The following SCOC variants were observed in gnomAD, a reference collection of about 807,000 sequenced individuals.
SCOC encodes short coiled coil protein.
In SCOC, 7 loss-of-function variants were observed where a neutral mutation model predicts 9.9. The ratio of observed to expected loss-of-function variants is 0.71; its 90% confidence interval spans 0.40 to 1.33. The LOEUF (loss-of-function observed/expected upper bound fraction) is 1.33, where lower values mean the gene tolerates loss of function less well. SCOC is among the 40% of genes most tolerant of loss of function. The probability of loss-of-function intolerance (pLI) is 0.01; values close to 1 mark genes in which losing one functional copy is unlikely to be tolerated. For synonymous variants in SCOC, 19 were observed against 28.2 expected, an observed-to-expected ratio of 0.67 and a Z score of 1.03; for missense variants, 66 against 89.7, an observed-to-expected ratio of 0.74 and a Z score of 1.07.
At chr4:140,260,666 T>C (rs936744002) in intron 1 of SCOC, among the ~76,000 whole-genome samples, 2 of 152,190 alleles carry the variant, frequency 1.3e-5, no homozygotes, top group Non-Finnish European at 2.9e-5. Flanking sequence ...TTCTACAGTG[T>C]ATGTTTAAAA....
At chr4:140,379,688 C>A in intron 3 of SCOC, 36 bp downstream of exon 3, 3 of 1,439,756 alleles carry the variant, frequency 2.1e-6, no homozygotes, top group South Asian at 1.2e-5. Context: ...TGAATGACAG[C>A]CAATTAATTG....
chr4:140,296,154 C>T (rs1017876053), intron 1 of SCOC, among the ~76,000 whole-genome samples: 2 of 152,022 alleles, frequency 1.3e-5, no homozygotes, highest in African/African-American at 2.4e-5. Context: ...ATCCACATGC[C>T]TAGGTGTGAA....
At chr4:140,281,597 C>T (rs1184654617) in intron 1 of SCOC, among the ~76,000 whole-genome samples, 2 of 152,176 alleles carry the variant, frequency 1.3e-5, no homozygotes, top group African/African-American at 2.4e-5. Flanking sequence ...TCCTGGATCC[C>T]AGAGAACCTG....
chr4:140,318,755 ATGCTGCT>A (rs1732406808), intron 1 of SCOC, among the ~76,000 whole-genome samples: 1 of 150,654 alleles, frequency 6.6e-6, no homozygotes, highest in African/African-American at 2.5e-5. Context: ...ACTATAAATC[ATGCTGCT>A]ATAAAGACAC....
chr4:140,310,445 T>C (rs962919845), intron 1 of SCOC, among the ~76,000 whole-genome samples: 2 of 152,166 alleles, frequency 1.3e-5, no homozygotes, highest in African/African-American at 4.8e-5. Flanking sequence ...TCTGGTCAAA[T>C]CTTAAATAAA....
chr4:140,328,755 A>G (rs750545329), intron 1 of SCOC, among the ~76,000 whole-genome samples: 3 of 152,182 alleles, frequency 2.0e-5, no homozygotes, highest in Non-Finnish European at 2.9e-5. Context: ...ATCAAGAGTG[A>G]TTCCATCTGA....
At chr4:140,295,289 T>C (rs887352187) in intron 1 of SCOC, among the ~76,000 whole-genome samples, 52 of 151,402 alleles carry the variant, frequency 3.4e-4, no homozygotes, top group Admixed American at 3.4e-3. Flanking sequence ...AGGTAAGGGG[T>C]AAAATAACAG....
chr4:140,324,876 C>T lies in SCOC; in HGVS notation c.-18-18745C>T, dbSNP rs746406572. Among the ~76,000 whole-genome samples the T allele has an allele frequency of 4.6e-5, 7 of 150,922 alleles. No homozygotes were observed. The South Asian group carries it at 1.0e-3, about 22-fold the overall frequency. ...GGCAAAGGACCTAGAATAGCCAAAG[C>T]AATGCTGAAAAAGAAAAAAAAAAGT... On this transcript the variant is annotated intron_variant, in intron 1 of 4. Coordinates refer to the SCOC transcript ENST00000394205.
At chr4:140,358,632 T>C (rs1490676707) in intron 2 of SCOC, among the ~76,000 whole-genome samples, 6 of 152,206 alleles carry the variant, frequency 3.9e-5, no homozygotes, top group Non-Finnish European at 5.9e-5. Flanking sequence ...AATTCTTTCA[T>C]TGCATCTAGA....
At chr4:140,265,129 A>G (rs1249798577) in intron 1 of SCOC, among the ~76,000 whole-genome samples, 1 of 152,186 alleles carries the variant, frequency 6.6e-6, no homozygotes, top group Non-Finnish European at 1.5e-5. Flanking sequence ...AGGATGAGTT[A>G]TGCATATTAA....
intron 1 of SCOC, among the ~76,000 whole-genome samples, chr4:140,311,318 T>A (rs535770371): frequency 6.6e-6 from 1 of 152,224 alleles, no homozygotes; most frequent in African/African-American, 2.4e-5. Context: ...AACTGTAGTA[T>A]CTTCATTCAA....
At chr4:140,297,081 A>G (rs1338458378) in intron 1 of SCOC, among the ~76,000 whole-genome samples, 1 of 152,196 alleles carries the variant, frequency 6.6e-6, no homozygotes, top group African/African-American at 2.4e-5. Flanking sequence ...ACTTCTCTGA[A>G]TCACATTTTC....
intron 1 of SCOC, among the ~76,000 whole-genome samples, chr4:140,287,955 C>T (rs1553934672): frequency 1.3e-5 from 2 of 151,956 alleles, no homozygotes; most frequent in African/African-American, 2.4e-5. Context: ...CACATGCATA[C>T]CACACAGAGT....
In SCOC at chr4:140,381,036, T is replaced by C; in HGVS notation, c.181T>C (p.Tyr61His). The C allele has an allele frequency of 6.2e-7, 1 of 1,605,328 alleles. No individual in the cohort carries two copies. Among genetic ancestry groups the C allele is most frequent in the Non-Finnish European group, 8.5e-7 (1 of 1,177,896 alleles). The change falls in exon 4 of 4, where the codon TAT becomes CAT. Residue 61 changes from tyrosine to histidine, a missense_variant. By Grantham distance (83) the Tyr-to-His change is moderately conservative. Coordinates refer to ENST00000608372, the MANE Select transcript of SCOC (RefSeq NM_001153484.2). ...LKSENQVLGQYIENLMSASSV... is the reference protein window; with the variant it reads ...LKSENQVLGQHIENLMSASSV... ...ATCAGAAAACCAAGTTCTTGGACAA[T>C]ATATAGAAAATCTCATGTCAGCTTC...
intron 1 of SCOC, among the ~76,000 whole-genome samples, chr4:140,278,215 G>A (rs185722230): frequency 3.3e-4 from 50 of 152,240 alleles, no homozygotes; most frequent in Admixed American, 1.5e-3. Flanking sequence ...GGTGTCTGGT[G>A]TAGGCTTACA....
chr4:140,308,829 G>A (rs1319081868), intron 1 of SCOC, among the ~76,000 whole-genome samples: 3 of 152,204 alleles, frequency 2.0e-5, no homozygotes, highest in Non-Finnish European at 4.4e-5. Context: ...TGGAGAAGGG[G>A]CATGCAGAAC....
intron 1 of SCOC, among the ~76,000 whole-genome samples, chr4:140,325,068 A>G (rs1014810337): frequency 1.1e-4 from 17 of 152,132 alleles, no homozygotes; most frequent in African/African-American, 4.1e-4. Context: ...GTGCCAAGAC[A>G]ATGCAATGGA....
intron 1 of SCOC, among the ~76,000 whole-genome samples, chr4:140,276,710 G>A (rs933982165): frequency 2.0e-5 from 3 of 152,008 alleles, no homozygotes; most frequent in African/African-American, 7.3e-5. Context: ...ACCTGTCTCA[G>A]CCTCCCAAAG....
At chr4:140,326,769 T>G (rs770666698) in intron 1 of SCOC, among the ~76,000 whole-genome samples, 13 of 152,194 alleles carry the variant, frequency 8.5e-5, no homozygotes, top group Non-Finnish European at 1.8e-4. Flanking sequence ...TGTTTACAAT[T>G]CTTATACACC....
Sources: allele counts gnomAD v4.1 joint callset (sites outside exome capture counted in the v4.1 genomes callset), GRCh38; gene constraint gnomAD v4.1.1; transcripts MANE v1.5; gene names NCBI Gene and HGNC (gene_info 2026-07-23, HGNC 2026-07-21).